The following SMG6 variants were observed in gnomAD, a reference collection of about 807,000 sequenced individuals.
SMG6 encodes SMG6 nonsense mediated mRNA decay factor, also known as telomerase-binding protein EST1A.
A neutral mutation model predicts 142.2 loss-of-function variants in SMG6; 66 were observed. That is an observed-to-expected ratio of 0.46 (90% CI 0.38 to 0.57). The LOEUF (loss-of-function observed/expected upper bound fraction) is 0.57. Ranked by LOEUF, SMG6 falls within the 20% of genes least tolerant of loss-of-function variation. The probability of loss-of-function intolerance (pLI) is 0.00; values close to 1 mark genes in which losing one functional copy is unlikely to be tolerated. For synonymous variants in SMG6, 779 were observed against 702.4 expected (o/e 1.11, Z -1.72); for missense variants, 1,793 against 1,832.0 (o/e 0.98, Z 0.39).
intron 8 of SMG6, among the ~76,000 whole-genome samples, chr17:2,270,187 A>T (rs2074515300): frequency 1.3e-5 from 2 of 152,192 alleles, no homozygotes; most frequent in South Asian, 4.2e-4. Flanking sequence ...TCAGAGAAGG[A>T]TCTCCGAAGT....
chr17:2,094,043 T>G (rs997123591), intron 13 of SMG6, among the ~76,000 whole-genome samples: 1 of 152,142 alleles, frequency 6.6e-6, no homozygotes, highest in Non-Finnish European at 1.5e-5. Context: ...GACCTAACCA[T>G]AGGTATGCAT....
intron 8 of SMG6, chr17:2,280,543 G>C: frequency 1.0e-6 from 1 of 973,202 alleles, no homozygotes; most frequent in East Asian, 1.1e-4. Flanking sequence ...GATTACAGGC[G>C]TAAGCCACCG....
chr17:2,271,270 T>C (rs2074537624), intron 8 of SMG6, among the ~76,000 whole-genome samples: 1 of 151,722 alleles, frequency 6.6e-6, no homozygotes. Context: ...TTTGTATTTT[T>C]AGTAGAGACG....
At chr17:2,175,135 C>T (rs192697798) in intron 12 of SMG6, among the ~76,000 whole-genome samples, 5 of 152,300 alleles carry the variant, frequency 3.3e-5, no homozygotes, top group Non-Finnish European at 7.4e-5. Flanking sequence ...GCCACTTGAG[C>T]CCGCTGCCTG....
chr17:2,121,962 T>G lies in SMG6; in HGVS notation c.3358-36061A>C, dbSNP rs190426166. Reference sequence around the variant, plus strand: ...AATTCTCATGCTTCAGCTTCCTGAATAGCTGGGATTATAGGTGCCCGTCAC... The same window carrying G: ...AATTCTCATGCTTCAGCTTCCTGAAGAGCTGGGATTATAGGTGCCCGTCAC... On this transcript the variant is annotated intron_variant, in intron 13 of 18. Coordinates refer to ENST00000263073, the MANE Select transcript of SMG6 (RefSeq NM_017575.5). Among the ~76,000 whole-genome samples, 46 of 152,236 alleles carry G rather than the reference T, an allele frequency of 3.0e-4. 1 individual carries two copies. The Middle Eastern group carries it at 0.014, about 45-fold the overall frequency.
chr17:2,150,815 T>C (rs563430046), intron 13 of SMG6, among the ~76,000 whole-genome samples: 5 of 152,144 alleles, frequency 3.3e-5, no homozygotes, highest in African/African-American at 7.2e-5. Flanking sequence ...GACAGTGACA[T>C]CTTACACCGA....
chr17:2,130,362 G>A (rs1294277356), intron 13 of SMG6, among the ~76,000 whole-genome samples: 2 of 151,270 alleles, frequency 1.3e-5, no homozygotes, highest in Admixed American at 6.6e-5. Flanking sequence ...ATCTGTGCGA[G>A]GGTTTTATGG....
chr17:2,093,110 A>G (rs183252125), intron 13 of SMG6, among the ~76,000 whole-genome samples: 63 of 151,850 alleles, frequency 4.1e-4, no homozygotes, highest in Middle Eastern at 3.4e-3. Flanking sequence ...AGGAGAATCT[A>G]TTGAACCCAG....
chr17:2,136,808 G>T (rs1400991688), intron 13 of SMG6, among the ~76,000 whole-genome samples: 1 of 150,110 alleles, frequency 6.7e-6, no homozygotes, highest in Non-Finnish European at 1.5e-5. Flanking sequence ...CATAAGTTTA[G>T]TATGTTCTTT....
At chr17:2,243,656 G>A (rs1197646976) in intron 9 of SMG6, among the ~76,000 whole-genome samples, 1 of 152,136 alleles carries the variant, frequency 6.6e-6, no homozygotes, top group Non-Finnish European at 1.5e-5. Context: ...CTCCAGCCTG[G>A]GCAAGAGAGC....
intron 11 of SMG6, among the ~76,000 whole-genome samples, chr17:2,187,536 C>T (rs775368409): frequency 6.6e-6 from 1 of 151,934 alleles, no homozygotes; most frequent in East Asian, 1.9e-4. Flanking sequence ...GTAAAGGGCC[C>T]GCAACTCTGT....
chr17:2,081,718 T>C, intron 15 of SMG6, 92 bp downstream of exon 15: 3 of 1,430,784 alleles, frequency 2.1e-6, no homozygotes, highest in Non-Finnish European at 2.9e-6. Context: ...TCACTCTTAG[T>C]GTCCTGCTCA....
chr17:2,250,884 G>C (rs756717218), intron 8 of SMG6, among the ~76,000 whole-genome samples: 1 of 152,042 alleles, frequency 6.6e-6, no homozygotes, highest in Admixed American at 6.6e-5. Flanking sequence ...GGATGTGGGC[G>C]CACTGGTGAT....
chr17:2,085,993 A>T lies in SMG6; in HGVS notation c.3358-92T>A. On this transcript the variant is annotated intron_variant, in intron 13 of 18. Coordinates refer to ENST00000263073, the MANE Select transcript of SMG6 (RefSeq NM_017575.5). This position sits in a 1 kb window ranked among gnomAD's most constrained non-coding sequence, Gnocchi z 4.1. ...CTTGCCGGCTGAGGGGCACAGGGGAACTGTGTCAAAGCTACCAGGCAAGGG... is the reference window on the plus strand; with the variant it reads ...CTTGCCGGCTGAGGGGCACAGGGGATCTGTGTCAAAGCTACCAGGCAAGGG... 1 of 1,318,652 alleles carries T rather than the reference A, an allele frequency of 7.6e-7. No individual in the cohort carries two copies. The highest frequency in any genetic ancestry group is 1.1e-6 in the Non-Finnish European group (1 of 919,478). The allele number at this position is 1,318,652 out of a possible 1,614,324, so 81.7% of individuals were successfully genotyped here.
At chr17:2,251,651 T>C (rs979113647) in intron 8 of SMG6, among the ~76,000 whole-genome samples, 1 of 152,156 alleles carries the variant, frequency 6.6e-6, no homozygotes, top group Non-Finnish European at 1.5e-5. Flanking sequence ...ACTAAAGCAA[T>C]TTGTTACTTC....
At chr17:2,171,188 C>T (rs1177226155) in intron 13 of SMG6, among the ~76,000 whole-genome samples, 2 of 151,990 alleles carry the variant, frequency 1.3e-5, no homozygotes, top group Admixed American at 6.6e-5. Flanking sequence ...GTAGGAGGAT[C>T]ACTTGAGCCT....
At chr17:2,092,012 T>A (rs1368904425) in intron 13 of SMG6, among the ~76,000 whole-genome samples, 2 of 145,836 alleles carry the variant, frequency 1.4e-5, no homozygotes, top group Non-Finnish European at 1.5e-5. Context: ...TGAGACAGAG[T>A]CTTGCTCAGT....
intron 8 of SMG6, among the ~76,000 whole-genome samples, chr17:2,247,725 G>A (rs1405793058): frequency 6.6e-6 from 1 of 152,168 alleles, no homozygotes; most frequent in African/African-American, 2.4e-5. Flanking sequence ...GGAGACTGCA[G>A]TGAGCCATGA....
At chr17:2,092,457 C>T (rs2068752329) in intron 13 of SMG6, among the ~76,000 whole-genome samples, 1 of 152,220 alleles carries the variant, frequency 6.6e-6, no homozygotes, top group Non-Finnish European at 1.5e-5. Context: ...CAGCATTGCA[C>T]AGATGCCTGC....
Sources: gnomAD v4.1 joint callset for allele counts (sites outside exome capture counted in the v4.1 genomes callset) on GRCh38, gnomAD v4.1.1 for gene constraint, Gnocchi (gnomAD v3.1) non-coding constraint, MANE v1.5 for transcripts, NCBI Gene and HGNC (gene_info 2026-07-23, HGNC 2026-07-21) for gene names.